Variants in RACGAP1 observed in about 807,000 individuals in gnomAD.
The protein encoded by RACGAP1 is rac GTPase-activating protein 1.
RACGAP1 carries 30 observed loss-of-function variants against 78.1 expected under a neutral mutation model. That is an observed-to-expected ratio of 0.38 (90% CI 0.29 to 0.52). RACGAP1 has a LOEUF of 0.52. Among genes scored for constraint, RACGAP1 ranks in the 20% least tolerant of loss-of-function variants. The pLI, the probability that RACGAP1 is intolerant of heterozygous loss-of-function variation, is 0.82. For synonymous variants in RACGAP1, 231 were observed against 264.8 expected (o/e 0.87, Z 1.24); for missense variants, 587 against 777.1 (o/e 0.76, Z 2.91).
chr12:49,993,252 C>G (rs1948014619), intron 12 of RACGAP1, among the ~76,000 whole-genome samples: 1 of 152,056 alleles, frequency 6.6e-6, no homozygotes, highest in African/African-American at 2.4e-5. Flanking sequence ...AATGTAAGAG[C>G]ATTCAGGTTG....
At chr12:50,001,968 C>T (rs1174023435) in intron 6 of RACGAP1, among the ~76,000 whole-genome samples, 1 of 151,188 alleles carries the variant, frequency 6.6e-6, no homozygotes, top group African/African-American at 2.4e-5. Context: ...GGGAGGCCGA[C>T]GCAGGAGAAT....
chr12:50,011,919 A>G (rs1371873088), intron 2 of RACGAP1, among the ~76,000 whole-genome samples: 1 of 139,760 alleles, frequency 7.2e-6, no homozygotes, highest in Non-Finnish European at 1.5e-5. Flanking sequence ...GTGCCACTGT[A>G]CTCCAGCCTG....
At chr12:50,018,544 C>A in intron 1 of RACGAP1, 1 of 1,288,840 alleles carries the variant, frequency 7.8e-7, no homozygotes, top group Non-Finnish European at 1.0e-6. Flanking sequence ...GAAACAGGGG[C>A]AGGACATTGG....
At chr12:50,011,260 C>T (rs546950587) in intron 2 of RACGAP1, among the ~76,000 whole-genome samples, 66 of 146,208 alleles carry the variant, frequency 4.5e-4, no homozygotes, top group African/African-American at 1.5e-3. Flanking sequence ...CTTGAACCCA[C>T]GAGACGGAGG....
At chr12:50,032,495 G>C (rs1360309940) in intron 1 of RACGAP1, among the ~76,000 whole-genome samples, 1 of 151,694 alleles carries the variant, frequency 6.6e-6, no homozygotes, top group Non-Finnish European at 1.5e-5. Flanking sequence ...CTCCTTCCCT[G>C]CTGCACCCGC....
chr12:50,025,119 C>T (rs2137753241), intron 1 of RACGAP1, among the ~76,000 whole-genome samples: 1 of 152,220 alleles, frequency 6.6e-6, no homozygotes, highest in Non-Finnish European at 1.5e-5. Context: ...TTTAGGATGA[C>T]TCCTGCCCTG....
chr12:50,002,712 A>G (rs1948754281), intron 5 of RACGAP1: 1 of 155,028 alleles, frequency 6.5e-6, no homozygotes, highest in Non-Finnish European at 1.4e-5. Flanking sequence ...AATGCTCTGC[A>G]TAATATTGCC....
chr12:49,990,590 T>C, intron 16 of RACGAP1, 94 bp downstream of exon 16: 1 of 1,044,938 alleles, frequency 9.6e-7, no homozygotes, highest in South Asian at 1.5e-5. Context: ...CTAGCTAAAA[T>C]CGAATGCAAT....
intron 7 of RACGAP1, 60 bp downstream of exon 7, chr12:50,001,112 C>T: frequency 2.3e-6 from 3 of 1,311,046 alleles, no homozygotes; most frequent in South Asian, 2.5e-5. Flanking sequence ...AATGCTGACT[C>T]AGAGAAGTTT....
rs776399169 is a variant in RACGAP1, at chr12:49,999,183, C to G, written c.837G>C (p.Gln279His). Residue 279 changes from glutamine to histidine, a missense_variant, in exon 9 of 17, where the codon CAG becomes CAC. Gln to His is a conservative substitution (Grantham distance 24, BLOSUM62 0). Coordinates refer to ENST00000312377, the MANE Select transcript of RACGAP1 (RefSeq NM_001319999.2). The part of the protein sequence containing the change: ...RTETDSVGTP[Q>H]SNGGMRLHDF... ...CATGCAGGCGCATCCCTCCATTACT[C>G]TGTGGCGTGCCCACACTGTCTGTCT... 1.9e-6 allele frequency: 3 copies of G among 1,613,586 alleles called. No individual in the cohort carries two copies. The South Asian group carries it at 3.3e-5, about 18-fold the overall frequency.
chr12:49,999,474 CA>C, intron 8 of RACGAP1, 141 bp downstream of exon 8: 1 of 950,854 alleles, frequency 1.1e-6, no homozygotes, highest in Non-Finnish European at 1.6e-6. Flanking sequence ...ATGACACAAG[CA>C]GTTCTCTGGT....
rs77336278 is a variant in RACGAP1 at position 49,999,582 on chromosome 12, T to C, written c.748+34A>G. 1,423 of 1,577,322 alleles carry C rather than the reference T, an allele frequency of 9.0e-4. 33 individuals carry two copies. In the East Asian group the frequency reaches 0.03, roughly 33 times the overall value. On this transcript the variant is annotated intron_variant, in intron 8 of 16. Transcript: ENST00000312377. Reference sequence around the variant, plus strand: ...CTCTCCAAAATTTTGCTAGTTGTTTTACACAGGCCAGTTTAGTCACAAATT... The same window carrying C: ...CTCTCCAAAATTTTGCTAGTTGTTTCACACAGGCCAGTTTAGTCACAAATT...
chr12:49,993,040 C>G (rs1193081402), intron 12 of RACGAP1, among the ~76,000 whole-genome samples: 1 of 152,110 alleles, frequency 6.6e-6, no homozygotes. Flanking sequence ...CTTATGGAAC[C>G]TACATTCTAT....
intron 1 of RACGAP1, chr12:50,018,583 G>C: frequency 7.8e-7 from 1 of 1,288,148 alleles, no homozygotes; most frequent in African/African-American, 1.5e-5. Flanking sequence ...GATTTCCTTT[G>C]GCTCTCCTGA....
At chr12:50,011,331 C>CAAAAAA (rs34796842) in intron 2 of RACGAP1, among the ~76,000 whole-genome samples, 2 of 71,484 alleles carry the variant, frequency 2.8e-5, no homozygotes, top group Non-Finnish European at 6.3e-5. Flanking sequence ...GAGACTGTCT[C>CAAAAAA]AAAAAAAAAA....
intron 6 of RACGAP1, among the ~76,000 whole-genome samples, chr12:50,001,808 G>A (rs1282456451): frequency 6.6e-6 from 1 of 152,202 alleles, no homozygotes; most frequent in East Asian, 1.9e-4. Context: ...GCTCACGCCT[G>A]TAATCCCAGC....
upstream of RACGAP1, among the ~76,000 whole-genome samples, chr12:50,028,940 G>A (rs962724498): frequency 5.3e-5 from 8 of 152,118 alleles, no homozygotes; most frequent in Middle Eastern, 0.01. Flanking sequence ...AAGTTAGGCC[G>A]GGCACAGTGG....
At chr12:50,012,387 C>T (rs543880960) in intron 2 of RACGAP1, among the ~76,000 whole-genome samples, 51 of 151,734 alleles carry the variant, frequency 3.4e-4, no homozygotes, top group African/African-American at 1.2e-3. Flanking sequence ...GGTGAGATCC[C>T]GTCTCTACTA....
rs1327911161 is a variant in RACGAP1, at chr12:49,999,247, T to G, written c.773A>C (p.Asp258Ala). 1 of 1,613,744 alleles carries G rather than the reference T, an allele frequency of 6.2e-7. No homozygotes were observed. The highest frequency in any genetic ancestry group is 2.2e-5 in the East Asian group (1 of 44,876). ...KTGTLQPWNS[D>A]STLNSRQLEP... ...CAGCTGCCTGCTGTTCAGGGTGGAG[T>G]CACTGTTCCAAGGTTGTAAAGTACC... The change falls in exon 9 of 17, where the codon GAC becomes GCC. Residue 258 changes from aspartate (D) to alanine (A), a missense_variant. Coordinates refer to ENST00000312377, the MANE Select transcript of RACGAP1 (RefSeq NM_001319999.2).
Sources: gnomAD v4.1 joint callset for allele counts (sites outside exome capture counted in the v4.1 genomes callset) on GRCh38, gnomAD v4.1.1 for gene constraint, MANE v1.5 for transcripts, NCBI Gene and HGNC (gene_info 2026-07-23, HGNC 2026-07-21) for gene names.